ZNF827: variants seen among roughly 807,000 people sequenced by gnomAD.
ZNF827 encodes zinc finger protein 827.
Under a neutral mutation model 102.4 loss-of-function variants are expected in ZNF827, and 13 were observed. The observed-to-expected ratio is 0.13, with a 90% CI of 0.08 to 0.20. The LOEUF is 0.20. Among genes scored for constraint, ZNF827 ranks in the 10% least tolerant of loss-of-function variants. The probability of loss-of-function intolerance (pLI) is 1.00; values close to 1 mark genes in which losing one functional copy is unlikely to be tolerated. For synonymous variants in ZNF827, 523 were observed against 536.2 expected (o/e 0.98, Z 0.34); for missense variants, 1,103 against 1,344.4 (o/e 0.82, Z 2.81).
At chr4:145,830,581 C>G (rs1470141327) in intron 7 of ZNF827, 1 of 151,942 alleles carries the variant, frequency 6.6e-6, no homozygotes, top group East Asian at 1.9e-4. Context: ...TTTTCTTTTT[C>G]TCAACTATTA....
chr4:145,765,437 C>T lies in ZNF827; in HGVS notation c.3052+110G>A. 7.7e-7 allele frequency: 1 copy of T among 1,306,140 alleles called. No individual in the cohort carries two copies. Among genetic ancestry groups the T allele is most frequent in the Non-Finnish European group, 1.0e-6 (1 of 958,252 alleles). 80.9% of individuals were successfully genotyped at this position (1,306,140 alleles called of 1,614,324 possible). A position where few individuals can be genotyped will look rare whatever the true frequency, so the allele number is the denominator to read the frequency against. On this transcript the variant is annotated intron_variant, in intron 12 of 14. Coordinates refer to ENST00000508784, the MANE Select transcript of ZNF827 (RefSeq NM_001306215.2). The surrounding 1 kb of genome is among the most constrained non-coding windows in gnomAD (Gnocchi z 4.7). ...TTAGGTGAGGCCCAGCATACTGCATCCTGGGCCTATTATCAGTTTTTGACA... is the reference window on the plus strand; with the variant it reads ...TTAGGTGAGGCCCAGCATACTGCATTCTGGGCCTATTATCAGTTTTTGACA...
At chr4:145,848,592 A>G (rs1022277769) in intron 6 of ZNF827, among the ~76,000 whole-genome samples, 1 of 152,220 alleles carries the variant, frequency 6.6e-6, no homozygotes, top group Admixed American at 6.5e-5. Context: ...TCCGAATCTT[A>G]TATATGTATA....
intron 1 of ZNF827, among the ~76,000 whole-genome samples, chr4:145,918,324 G>A (rs1752816485): frequency 2.7e-5 from 1 of 37,410 alleles, no homozygotes; most frequent in Non-Finnish European, 4.6e-5. Context: ...ACTATTCTTA[G>A]CTCAAGGCAA....
intron 1 of ZNF827, among the ~76,000 whole-genome samples, chr4:145,925,001 T>C (rs1439792312): frequency 6.6e-6 from 1 of 152,140 alleles, no homozygotes; most frequent in Non-Finnish European, 1.5e-5. Context: ...GACTCACAGT[T>C]CCAAATGGCT....
In ZNF827 at chr4:145,765,387, A is replaced by G. The variant is rs139928609; in HGVS notation, c.3052+160T>C. Among the ~76,000 whole-genome samples, 12 of 152,316 alleles carry G rather than the reference A, an allele frequency of 7.9e-5. No individual in the cohort carries two copies. Among genetic ancestry groups the G allele is most frequent in the African/African-American group, 2.9e-4 (12 of 41,566 alleles). ...TCCTTCCACCCCATACTCGGATTCA[A>G]ATTAAGCCAAAAGAAATACAACCTT... is the stretch of plus-strand genomic sequence containing the variant. On this transcript the variant is annotated intron_variant, in intron 12 of 14. Coordinates refer to ENST00000508784, the MANE Select transcript of ZNF827 (RefSeq NM_001306215.2). This position sits in a 1 kb window ranked among gnomAD's most constrained non-coding sequence, Gnocchi z 4.7.
At chr4:145,907,546 C>T (rs376719428) in intron 1 of ZNF827, among the ~76,000 whole-genome samples, 14 of 152,306 alleles carry the variant, frequency 9.2e-5, no homozygotes, top group African/African-American at 2.9e-4. Flanking sequence ...TGCCAACCAG[C>T]GCAGACTCTT....
chr4:145,824,896 C>T (rs778895782), intron 7 of ZNF827, among the ~76,000 whole-genome samples: 2 of 152,192 alleles, frequency 1.3e-5, no homozygotes, highest in Non-Finnish European at 2.9e-5. Flanking sequence ...TAAAGTAAAA[C>T]ATACATTAAT....
chr4:145,841,296 C>T (rs1745392634), intron 7 of ZNF827, among the ~76,000 whole-genome samples: 1 of 152,200 alleles, frequency 6.6e-6, no homozygotes, highest in Non-Finnish European at 1.5e-5. Context: ...TATCCAGCAT[C>T]TGGCTGGGTG....
intron 4 of ZNF827, 56 bp downstream of exon 4, chr4:145,885,617 AGAGAG>A: frequency 2.6e-6 from 1 of 390,880 alleles, no homozygotes; most frequent in Non-Finnish European, 3.1e-6. Flanking sequence ...AGACAGAGAG[AGAGAG>A]AGAGAGAGAG....
At chr4:145,906,435 C>A (rs541997696) in intron 1 of ZNF827, among the ~76,000 whole-genome samples, 1 of 152,270 alleles carries the variant, frequency 6.6e-6, no homozygotes, top group Admixed American at 6.5e-5. Context: ...TTGTTGGAGT[C>A]GGTCAAAAGG....
rs559655894 is a variant in ZNF827 at position 145,929,727 on chromosome 4, T to A, written c.43+8638A>T. Among the ~76,000 whole-genome samples, 4 of 152,312 alleles carry A rather than the reference T, an allele frequency of 2.6e-5. No homozygotes were observed. In the East Asian group the frequency reaches 7.7e-4, roughly 29 times the overall value. On this transcript the variant is annotated intron_variant, in intron 1 of 14. Coordinates refer to ENST00000508784, the MANE Select transcript of ZNF827 (RefSeq NM_001306215.2). Reference sequence around the variant, plus strand: ...TAATCTATTCACAATCTAAACAAACTGAAACACCTTTCACATACTTAATAA... The same window carrying A: ...TAATCTATTCACAATCTAAACAAACAGAAACACCTTTCACATACTTAATAA...
chr4:145,848,934 G>GC (rs1746246924), intron 6 of ZNF827, among the ~76,000 whole-genome samples: 10 of 152,022 alleles, frequency 6.6e-5, no homozygotes, highest in African/African-American at 2.2e-4. Context: ...CACTAATTTG[G>GC]AAGTCATAGT....
At chr4:145,899,939 A>G (rs1446357835) in intron 2 of ZNF827, among the ~76,000 whole-genome samples, 1 of 152,220 alleles carries the variant, frequency 6.6e-6, no homozygotes. Flanking sequence ...AATATAGTAA[A>G]AAGCAAAGTA....
At chr4:145,871,024 G>C (rs1748638448) in intron 4 of ZNF827, among the ~76,000 whole-genome samples, 1 of 152,038 alleles carries the variant, frequency 6.6e-6, no homozygotes, top group South Asian at 2.1e-4. Context: ...TAAACAGTGG[G>C]GCATTTACTT....
At position 145,849,483 on chromosome 4, in the gene ZNF827, G is replaced by A. The variant is rs753814780; in HGVS notation, c.2060C>T (p.Ser687Leu). ...GCCAACATTCCGGCTGGGTGATATC[G>A]AGACATGGGAGTCCTGGATGTCAAC... is the stretch of plus-strand genomic sequence containing the variant. ...MEVDIQDSHV[S>L]ISPSRNVGYS... The change falls in exon 6 of 15, where the codon TCG (serine) becomes TTG (leucine). Residue 687 changes from serine (S) to leucine (L), a missense_variant. By Grantham distance (145) the Ser-to-Leu change is moderately radical (BLOSUM62 -2). This residue lies in a region of ZNF827 where 243 missense variants were observed against 251.6 expected (regional missense o/e 0.97). Coordinates refer to ENST00000508784, the MANE Select transcript of ZNF827 (RefSeq NM_001306215.2). The A allele has an allele frequency of 8.1e-6, 13 of 1,614,044 alleles. No homozygotes were observed. Among genetic ancestry groups the A allele is most frequent in the Middle Eastern group, 1.6e-4 (1 of 6,084 alleles).
chr4:145,793,963 G>C (rs1351998641), intron 8 of ZNF827, among the ~76,000 whole-genome samples: 1 of 152,002 alleles, frequency 6.6e-6, no homozygotes, highest in East Asian at 1.9e-4. Context: ...GTCAGTCTCA[G>C]CTCAGCTCCC....
intron 7 of ZNF827, among the ~76,000 whole-genome samples, chr4:145,824,502 T>C (rs917974970): frequency 1.3e-5 from 2 of 152,024 alleles, no homozygotes; most frequent in African/African-American, 4.8e-5. Flanking sequence ...CAGGAAGCCA[T>C]TGCCACCCTG....
intron 2 of ZNF827, among the ~76,000 whole-genome samples, chr4:145,898,557 C>T (rs1751155757): frequency 6.6e-6 from 1 of 152,160 alleles, no homozygotes; most frequent in African/African-American, 2.4e-5. Flanking sequence ...AGAATTCAGT[C>T]AATGTGTGAC....
At chr4:145,833,334 A>G (rs112561678) in intron 7 of ZNF827, among the ~76,000 whole-genome samples, 45,303 of 151,892 alleles carry the variant, frequency 0.3, 7,042 homozygotes, top group African/African-American at 0.37. Flanking sequence ...CTCTGGCGCC[A>G]GTCACGGACT....
Sources: allele counts gnomAD v4.1 joint callset (sites outside exome capture counted in the v4.1 genomes callset), GRCh38; gene constraint gnomAD v4.1.1; regional missense constraint gnomAD v4.1.1; non-coding constraint Gnocchi (gnomAD v3.1); transcripts MANE v1.5; gene names NCBI Gene and HGNC (gene_info 2026-07-23, HGNC 2026-07-21).